Variants in TRPC5 observed in about 807,000 individuals in gnomAD.
TRPC5 encodes transient receptor potential cation channel subfamily C member 5.
In TRPC5, 9 loss-of-function variants were observed where a neutral mutation model predicts 56.5. The observed-to-expected ratio is 0.16, with a 90% confidence interval of 0.10 to 0.28. The LOEUF is 0.28. Ranked by LOEUF, TRPC5 falls within the 10% of genes least tolerant of loss-of-function variation. The pLI is 1.00. For synonymous variants in TRPC5, 282 were observed against 278.5 expected (o/e 1.01, Z -0.13); for missense variants, 469 against 748.9 (o/e 0.63, Z 4.36).
At chrX:112,040,625 T>C (rs777658344) in intron 1 of TRPC5, among the ~76,000 whole-genome samples, 5 of 111,546 alleles carry the variant, frequency 4.5e-5, no homozygotes, top group Non-Finnish European at 9.4e-5. Flanking sequence ...TGCATGCAGC[T>C]GGAAAAAGCT....
rs1422264025 is a variant in TRPC5 at position 111,770,088 on chromosome X, T to C, written c.*6225A>G. 8.9e-6 allele frequency among the ~76,000 whole-genome samples: 1 copy of C among 111,964 alleles called. No individual in the cohort carries two copies. The highest frequency in any genetic ancestry group is 1.9e-5 in the Non-Finnish European group (1 of 53,152). On this transcript the variant is annotated 3_prime_UTR_variant, in exon 11 of 11. Transcript: ENST00000262839. ...AAGTTCTGGTATGTTTATGAAAATA[T>C]CAGTCATTATCCTATTTTATGTTTA...
chrX:111,957,421 G>A (rs773906393), intron 1 of TRPC5, among the ~76,000 whole-genome samples: 7 of 111,953 alleles, frequency 6.3e-5, no homozygotes, highest in Admixed American at 5.7e-4. Flanking sequence ...TTCTGTGCCG[G>A]ATACTGTGTG....
intron 1 of TRPC5, among the ~76,000 whole-genome samples, chrX:112,035,343 C>CT (rs1929705321): frequency 9.0e-6 from 1 of 110,823 alleles, no homozygotes; most frequent in Admixed American, 9.6e-5. Flanking sequence ...TGTTTAATTA[C>CT]TTTTCCAAAC....
At chrX:111,809,176 A>G (rs909756104) in intron 7 of TRPC5, among the ~76,000 whole-genome samples, 2 of 111,120 alleles carry the variant, frequency 1.8e-5, no homozygotes, top group Non-Finnish European at 3.8e-5. Flanking sequence ...ACTAGGTCAC[A>G]TGTACCCCAA....
chrX:111,787,927 T>C (rs1945982303), intron 7 of TRPC5, among the ~76,000 whole-genome samples: 1 of 111,554 alleles, frequency 9.0e-6, no homozygotes, highest in African/African-American at 3.3e-5. Flanking sequence ...ATTAATAGCC[T>C]ACCAATCAAA....
At chrX:111,931,273 G>C (rs919868622) in intron 2 of TRPC5, among the ~76,000 whole-genome samples, 1 of 112,175 alleles carries the variant, frequency 8.9e-6, no homozygotes, top group Non-Finnish European at 1.9e-5. Flanking sequence ...GTGGGAAATA[G>C]GGGATGATTT....
intron 1 of TRPC5, among the ~76,000 whole-genome samples, chrX:112,008,599 C>CAAAAAAAAAAAAAAAAAAAAAAAA (rs771663324): frequency 1.4e-5 from 1 of 74,042 alleles, no homozygotes; most frequent in African/African-American, 4.5e-5. Flanking sequence ...GACTCTGTCT[C>CAAAAAAAAAAAAAAAAAAAAAAAA]AAAAAAAAAA....
At chrX:111,996,390 T>C (rs189629170) in intron 1 of TRPC5, among the ~76,000 whole-genome samples, 181 of 111,620 alleles carry the variant, frequency 1.6e-3, no homozygotes, top group African/African-American at 5.3e-3. Flanking sequence ...TGCTGAGGAG[T>C]GCTTTACTTT....
At chrX:111,777,080 A>G (rs1211046788) in intron 10 of TRPC5, 78 bp from the exon 11 acceptor site, 12 of 863,428 alleles carry the variant, frequency 1.4e-5, no homozygotes, top group African/African-American at 2.0e-5. Context: ...TACCTTTGGT[A>G]TGTTCCAGGT....
intron 3 of TRPC5, among the ~76,000 whole-genome samples, chrX:111,866,410 T>C (rs1923552366): frequency 8.8e-6 from 1 of 113,295 alleles, no homozygotes; most frequent in Non-Finnish European, 1.9e-5. Flanking sequence ...AATCCCCCTG[T>C]TTAATCTGTC....
At chrX:111,955,618 T>C (rs1000376498) in intron 1 of TRPC5, among the ~76,000 whole-genome samples, 4 of 111,832 alleles carry the variant, frequency 3.6e-5, no homozygotes, top group Non-Finnish European at 5.6e-5. Context: ...TTCTTTGCCC[T>C]TTTCCAATCC....
intron 1 of TRPC5, among the ~76,000 whole-genome samples, chrX:111,957,803 C>T (rs1202450873): frequency 2.7e-5 from 3 of 112,109 alleles, no homozygotes; most frequent in Non-Finnish European, 5.6e-5. Context: ...CCCTTGCCAT[C>T]AAGCAACTCC....
At chrX:111,871,276 G>A (rs1020346198) in intron 3 of TRPC5, among the ~76,000 whole-genome samples, 3 of 111,205 alleles carry the variant, frequency 2.7e-5, no homozygotes, top group African/African-American at 9.8e-5. Context: ...AAAGTGCTTT[G>A]AAACATTCTC....
At chrX:111,928,968 T>C (rs775356043) in intron 2 of TRPC5, among the ~76,000 whole-genome samples, 1 of 112,048 alleles carries the variant, frequency 8.9e-6, no homozygotes, top group Non-Finnish European at 1.9e-5. Flanking sequence ...CAGCACCTTT[T>C]CAGGAACACA....
At chrX:111,844,148 T>G (rs1384314701) in intron 6 of TRPC5, among the ~76,000 whole-genome samples, 1 of 109,821 alleles carries the variant, frequency 9.1e-6, no homozygotes, top group Non-Finnish European at 1.9e-5. Flanking sequence ...AGAAAAGGAA[T>G]AAGGAATTTA....
intron 10 of TRPC5, among the ~76,000 whole-genome samples, chrX:111,777,827 T>C (rs1296100805): frequency 8.9e-6 from 1 of 112,720 alleles, no homozygotes; most frequent in African/African-American, 3.2e-5. Context: ...ATCACTTCCA[T>C]TGGAAAGTCT....
In TRPC5 at chrX:112,014,072, G is replaced by A. The variant is rs537912296; in HGVS notation, c.-21-61631C>T. Among the ~76,000 whole-genome samples the A allele has an allele frequency of 5.2e-4, 58 of 112,326 alleles. 1 individual carries two copies. The South Asian group carries it at 0.016, about 31-fold the overall frequency. On this transcript the variant is annotated intron_variant, in intron 1 of 10. Transcript: ENST00000262839. ...CAGATTGCAAGGCCCCAAGCTTGGA[G>A]CATCTCATTCAGTAGAAGTGGGATG...
At chrX:112,038,517 G>C (rs1929807847) in intron 1 of TRPC5, among the ~76,000 whole-genome samples, 1 of 111,717 alleles carries the variant, frequency 9.0e-6, no homozygotes, top group Non-Finnish European at 1.9e-5. Flanking sequence ...CTGTGCTGTA[G>C]GTGTTCTGTT....
chrX:112,065,701 G>A (rs1395117122), intron 1 of TRPC5, among the ~76,000 whole-genome samples: 2 of 111,145 alleles, frequency 1.8e-5, no homozygotes, highest in Non-Finnish European at 3.8e-5. Flanking sequence ...GAGCAGCTAG[G>A]CCAACATGGC....
Sources: allele counts gnomAD v4.1 joint callset (sites outside exome capture counted in the v4.1 genomes callset), GRCh38; gene constraint gnomAD v4.1.1; transcripts MANE v1.5; gene names NCBI Gene and HGNC (gene_info 2026-07-23, HGNC 2026-07-21).